Variants in FYB1 observed in about 807,000 individuals in gnomAD.
FYB1 encodes FYN binding protein 1, also known as FYN-binding protein 1.
In FYB1, 41 loss-of-function variants were observed where a neutral mutation model predicts 94.1. The observed-to-expected ratio is 0.44, with a 90% CI of 0.34 to 0.57. The LOEUF (loss-of-function observed/expected upper bound fraction) is 0.57. Ranked by LOEUF, FYB1 falls within the 20% of genes least tolerant of loss-of-function variation. The pLI, the probability that FYB1 is intolerant of heterozygous loss-of-function variation, is 0.02. For missense variants in FYB1, 1,050 were observed against 976.8 expected (o/e 1.07, Z -1.00); for synonymous variants, 367 against 353.2 (o/e 1.04, Z -0.44).
At chr5:39,188,540 C>CTTTTT (rs35086739) in intron 2 of FYB1, among the ~76,000 whole-genome samples, 5 of 69,618 alleles carry the variant, frequency 7.2e-5, no homozygotes, top group African/African-American at 1.1e-4. Flanking sequence ...AACTACAGCA[C>CTTTTT]TTTTTTTTTT....
intron 2 of FYB1, among the ~76,000 whole-genome samples, chr5:39,166,685 A>T (rs1744769886): frequency 6.6e-6 from 1 of 150,448 alleles, no homozygotes; most frequent in Non-Finnish European, 1.5e-5. Context: ...CATTATCTTA[A>T]ATGAAATAAT....
intron 1 of FYB1, among the ~76,000 whole-genome samples, chr5:39,216,456 G>A (rs1055650800): frequency 1.3e-5 from 2 of 152,032 alleles, no homozygotes; most frequent in Non-Finnish European, 1.5e-5. Flanking sequence ...GTGCAGGTTT[G>A]TTACACAGGT....
rs190371645 is a variant in FYB1, at chr5:39,106,379, G to C, written c.*1064C>G. 6.6e-6 allele frequency: 1 copy of C among 151,898 alleles called. No individual in the cohort carries two copies. Among genetic ancestry groups the C allele is most frequent in the Non-Finnish European group, 1.5e-5 (1 of 67,956 alleles). The allele number at this position is 151,898 out of a possible 1,614,324, so 9.4% of individuals were successfully genotyped here. On this transcript the variant is annotated 3_prime_UTR_variant, in exon 19 of 19. Coordinates refer to ENST00000512982, the MANE Select transcript of FYB1 (RefSeq NM_001465.6). Reference sequence around the variant, plus strand: ...TTCATTTTTTAAATCATGCTATTTAGTGTTCTTAACATTTGAAACCCAAAT... The same window carrying C: ...TTCATTTTTTAAATCATGCTATTTACTGTTCTTAACATTTGAAACCCAAAT...
At chr5:39,239,530 A>G (rs1439342295) in intron 1 of FYB1, among the ~76,000 whole-genome samples, 1 of 152,186 alleles carries the variant, frequency 6.6e-6, no homozygotes, top group Non-Finnish European at 1.5e-5. Context: ...CTAAGCTGAG[A>G]GCCAAATCAA....
At chr5:39,166,787 C>A (rs1016839213) in intron 2 of FYB1, among the ~76,000 whole-genome samples, 3 of 151,788 alleles carry the variant, frequency 2.0e-5, no homozygotes, top group Non-Finnish European at 4.4e-5. Flanking sequence ...AAATAATAGA[C>A]CCTGGAGACT....
At chr5:39,197,986 G>A (rs260082) in intron 2 of FYB1, among the ~76,000 whole-genome samples, 79,422 of 151,914 alleles carry the variant, frequency 0.52, 21,572 homozygotes, top group South Asian at 0.75. Context: ...GAATAATATA[G>A]TATAATATAA....
At chr5:39,255,039 A>G (rs1751873997) in intron 1 of FYB1, among the ~76,000 whole-genome samples, 1 of 152,170 alleles carries the variant, frequency 6.6e-6, no homozygotes, top group South Asian at 2.1e-4. Context: ...TTTTCTTTAG[A>G]TAGTAAGATT....
At chr5:39,147,186 G>T (rs1002408422) in intron 3 of FYB1, among the ~76,000 whole-genome samples, 2 of 152,056 alleles carry the variant, frequency 1.3e-5, no homozygotes, top group Non-Finnish European at 2.9e-5. Flanking sequence ...GAAAAGTAAA[G>T]TTAATGACTG....
At chr5:39,120,240 G>A (rs1739967135) in intron 14 of FYB1, among the ~76,000 whole-genome samples, 1 of 152,006 alleles carries the variant, frequency 6.6e-6, no homozygotes. Flanking sequence ...GTGTGTGTGT[G>A]TGTGTGTGTG....
intron 2 of FYB1, among the ~76,000 whole-genome samples, chr5:39,166,216 C>A (rs1477667077): frequency 6.6e-6 from 1 of 152,126 alleles, no homozygotes; most frequent in Non-Finnish European, 1.5e-5. Flanking sequence ...GCAAGCAGAT[C>A]ACCTGAGGTC....
intron 12 of FYB1, among the ~76,000 whole-genome samples, chr5:39,124,735 T>A (rs1323050368): frequency 6.6e-6 from 1 of 152,058 alleles, no homozygotes; most frequent in Non-Finnish European, 1.5e-5. Flanking sequence ...TGACCATGTT[T>A]CCCAATATGT....
At chr5:39,165,855 G>C (rs868057044) in intron 2 of FYB1, among the ~76,000 whole-genome samples, 1 of 152,104 alleles carries the variant, frequency 6.6e-6, no homozygotes, top group African/African-American at 2.4e-5. Flanking sequence ...CACACATGTG[G>C]CCAACAAGAA....
intron 16 of FYB1, among the ~76,000 whole-genome samples, chr5:39,114,855 A>G (rs1455698581): frequency 6.6e-6 from 1 of 152,194 alleles, no homozygotes; most frequent in Admixed American, 6.5e-5. Flanking sequence ...TGTTGAGAAC[A>G]TTTCATTGAA....
chr5:39,152,759 A>T (rs1322923300), intron 3 of FYB1, among the ~76,000 whole-genome samples: 1 of 152,250 alleles, frequency 6.6e-6, no homozygotes. Context: ...AATTCAAGCA[A>T]GAGCAGGCTT....
intron 8 of FYB1, 68 bp from the exon 9 acceptor site, chr5:39,134,417 T>C: frequency 7.8e-7 from 1 of 1,275,856 alleles, no homozygotes; most frequent in Non-Finnish European, 1.1e-6. Flanking sequence ...GTGAATAAAA[T>C]ATCAATTGCA....
intron 1 of FYB1, among the ~76,000 whole-genome samples, chr5:39,241,887 G>T (rs376042492): frequency 6.8e-6 from 1 of 147,584 alleles, no homozygotes; most frequent in Non-Finnish European, 1.5e-5. Flanking sequence ...CATAGAATTT[G>T]TTATTTAAGG....
At chr5:39,147,452 CTGTGTGTGTGTG>C (rs71606520) in intron 3 of FYB1, among the ~76,000 whole-genome samples, 25,100 of 144,530 alleles carry the variant, frequency 0.17, 2,415 homozygotes, top group Non-Finnish European at 0.22. Context: ...GTACATATGC[CTGTGTGTGTGTG>C]TGTGTGTGTG....
chr5:39,193,593 A>G (rs76503728), intron 2 of FYB1, among the ~76,000 whole-genome samples: 1 of 152,324 alleles, frequency 6.6e-6, no homozygotes, highest in East Asian at 1.9e-4. Flanking sequence ...CAGTGGTTCT[A>G]GACAAGCCTG....
At chr5:39,191,997 G>T (rs921925729) in intron 2 of FYB1, among the ~76,000 whole-genome samples, 4 of 152,196 alleles carry the variant, frequency 2.6e-5, no homozygotes, top group Non-Finnish European at 4.4e-5. Flanking sequence ...ATCAGAAATA[G>T]TTTTAATCAA....
Sources: allele counts gnomAD v4.1 joint callset (sites outside exome capture counted in the v4.1 genomes callset), GRCh38; gene constraint gnomAD v4.1.1; transcripts MANE v1.5; gene names NCBI Gene and HGNC (gene_info 2026-07-23, HGNC 2026-07-21).